MOB1B: variants seen among roughly 807,000 people sequenced by gnomAD.
MOB1B encodes MOB1 Mps One Binder homolog B.
Under a neutral mutation model 24.4 loss-of-function variants are expected in MOB1B, and 19 were observed. The ratio of observed to expected loss-of-function variants is 0.78; its 90% CI spans 0.54 to 1.14. The LOEUF (loss-of-function observed/expected upper bound fraction) is 1.14. Ranked by LOEUF, MOB1B falls within the 50% of genes most tolerant of loss-of-function variation. MOB1B has a pLI of 0.00. For synonymous variants in MOB1B, 76 were observed against 82.1 expected (o/e 0.93, Z 0.40); for missense variants, 243 against 259.6 (o/e 0.94, Z 0.44).
At position 70,979,269 on chromosome 4, in the gene MOB1B, A is replaced by G. The variant is rs1428577624; in HGVS notation, c.551A>G (p.Lys184Arg). The change falls in exon 5 of 6, where the codon AAG becomes AGG. Residue 184 changes from lysine to arginine, a missense_variant. Transcript: ENST00000309395. ...GAAGCACATCTAAATACATCTTTCA[A>G]GCACTTTATTTTTTTTGTCCAGGTA... ...QEEAHLNTSF[K>R]HFIFFVQEFN... The G allele has an allele frequency of 6.2e-7, 1 of 1,613,456 alleles. No individual in the cohort carries two copies. Among genetic ancestry groups the G allele is most frequent in the Non-Finnish European group, 8.5e-7 (1 of 1,179,834 alleles).
In MOB1B at chr4:70,984,257, G is replaced by A. The variant is rs1739310164; in HGVS notation, c.*2200G>A. On this transcript the variant is annotated 3_prime_UTR_variant, in exon 6 of 6. Coordinates refer to ENST00000309395, the MANE Select transcript of MOB1B (RefSeq NM_173468.4). ...CACAGTCACTGGGAAGTAAGGAGAT[G>A]TATATATGTGTATATATGGTAACAA... The A allele has an allele frequency of 1.3e-5, 2 of 152,144 alleles. No homozygotes were observed. Among genetic ancestry groups the A allele is most frequent in the South Asian group, 4.1e-4 (2 of 4,828 alleles). The allele number at this position is 152,144 out of a possible 1,614,324, so 9.4% of individuals were successfully genotyped here. A position where few individuals can be genotyped will look rare whatever the true frequency, so the allele number is the denominator to read the frequency against.
At chr4:70,946,953 A>G (rs938767610) in intron 1 of MOB1B, among the ~76,000 whole-genome samples, 1 of 152,208 alleles carries the variant, frequency 6.6e-6, no homozygotes, top group African/African-American at 2.4e-5. Flanking sequence ...TTCACATTAT[A>G]TTGAGCGTTT....
chr4:70,950,632 A>G (rs1005554308), intron 1 of MOB1B: 2 of 709,612 alleles, frequency 2.8e-6, no homozygotes, highest in Non-Finnish European at 4.6e-6. Flanking sequence ...TGCATGTAAA[A>G]TAGTTGCGAG....
intron 4 of MOB1B, among the ~76,000 whole-genome samples, chr4:70,978,824 T>C (rs1284640929): frequency 1.3e-5 from 2 of 152,140 alleles, no homozygotes; most frequent in Non-Finnish European, 2.9e-5. Flanking sequence ...TGAGTGTGAG[T>C]TTAAGCTCCA....
At position 70,902,419 on chromosome 4, in the gene MOB1B, C is replaced by T. The variant is rs1735545383; in HGVS notation, c.-118C>T. On this transcript the variant is annotated 5_prime_UTR_variant, in exon 1 of 6. Coordinates refer to ENST00000309395, the MANE Select transcript of MOB1B (RefSeq NM_173468.4). ...TTGCGGCCACCGAGCAGCCGGCTCT[C>T]GGCACCTCCTCCTCCGCCTCCCTGT... The T allele has an allele frequency of 1.7e-6, 2 of 1,146,996 alleles. No homozygotes were observed. The highest frequency in any genetic ancestry group is 1.3e-5 in the South Asian group (1 of 76,198). The allele number at this position is 1,146,996 out of a possible 1,614,324, so 71.1% of individuals were successfully genotyped here.
chr4:70,912,883 C>G (rs978048799), intron 1 of MOB1B, among the ~76,000 whole-genome samples: 2 of 152,236 alleles, frequency 1.3e-5, no homozygotes, highest in African/African-American at 4.8e-5. Flanking sequence ...ATCTCAGCCT[C>G]CTGAGTAGCT....
intron 1 of MOB1B, among the ~76,000 whole-genome samples, chr4:70,952,511 C>T (rs555307380): frequency 2.2e-4 from 34 of 151,560 alleles, no homozygotes; most frequent in African/African-American, 6.5e-4. Context: ...ACCGTGGTGG[C>T]GGGTGCCTGT....
At chr4:70,947,891 G>A (rs1304354398) in intron 1 of MOB1B, among the ~76,000 whole-genome samples, 1 of 152,122 alleles carries the variant, frequency 6.6e-6, no homozygotes, top group Non-Finnish European at 1.5e-5. Context: ...TTACTGCCGT[G>A]CACCACTGTA....
intron 1 of MOB1B, among the ~76,000 whole-genome samples, chr4:70,952,776 G>A (rs1488251203): frequency 2.0e-5 from 3 of 151,506 alleles, no homozygotes; most frequent in East Asian, 1.9e-4. Flanking sequence ...GAAAATTTTT[G>A]TGAAGATTTG....
At position 70,984,753 on chromosome 4, in the gene MOB1B, AGT is replaced by A. The variant is rs1739327986; in HGVS notation, c.*2698_*2699del. 6.6e-6 allele frequency: 1 copy of A among 152,100 alleles called. No homozygotes were observed. The highest frequency in any genetic ancestry group is 2.4e-5 in the African/African-American group (1 of 41,448). The allele number at this position is 152,100 out of a possible 1,614,324, so 9.4% of individuals were successfully genotyped here. A position where few individuals can be genotyped will look rare whatever the true frequency, so the allele number is the denominator to read the frequency against. ...GTAGAGAGAAATTAATAACAAAAAG[AGT>A]GAAAATATTTTAATTAGCAGTAGAT... On this transcript the variant is annotated 3_prime_UTR_variant, in exon 6 of 6. Coordinates refer to ENST00000309395, the MANE Select transcript of MOB1B (RefSeq NM_173468.4).
chr4:70,972,786 ATTTTT>A, intron 3 of MOB1B, among the ~76,000 whole-genome samples: 1 of 141,762 alleles, frequency 7.1e-6, no homozygotes, highest in East Asian at 2.0e-4. Context: ...ATTTTATTTT[ATTTTT>A]GAGACGGAGT....
At chr4:70,922,958 A>G (rs548115023) in intron 1 of MOB1B, among the ~76,000 whole-genome samples, 42 of 152,248 alleles carry the variant, frequency 2.8e-4, no homozygotes, top group Admixed American at 4.6e-4. Context: ...AGATAATCCA[A>G]TGAAGGCTGT....
intron 1 of MOB1B, among the ~76,000 whole-genome samples, chr4:70,946,084 CTTTTTTTTTTTT>C (rs11331194): frequency 1.4e-4 from 12 of 85,394 alleles, no homozygotes; most frequent in Admixed American, 2.7e-4. Context: ...TTTGTTTGTT[CTTTTTTTTTTTT>C]TTTTTTTTTT....
intron 1 of MOB1B, among the ~76,000 whole-genome samples, chr4:70,929,420 C>T (rs13108748): frequency 0.81 from 122,485 of 151,910 alleles, 52,794 homozygotes; most frequent in Non-Finnish European, 0.95. Flanking sequence ...CTCAAGTGAT[C>T]TGCCCACCTT....
chr4:70,944,216 G>A (rs1468078278), intron 1 of MOB1B, among the ~76,000 whole-genome samples: 1 of 152,128 alleles, frequency 6.6e-6, no homozygotes, highest in Non-Finnish European at 1.5e-5. Flanking sequence ...TGTATTTTTA[G>A]TGAAGACTGG....
At chr4:70,975,729 A>C (rs1329698748) in intron 4 of MOB1B, 1 of 978,124 alleles carries the variant, frequency 1.0e-6, no homozygotes, top group Non-Finnish European at 1.2e-6. Context: ...AAGCCCTTTC[A>C]GTAGAAAGTT....
intron 1 of MOB1B, among the ~76,000 whole-genome samples, chr4:70,947,021 A>G (rs563628775): frequency 7.2e-5 from 11 of 152,332 alleles, no homozygotes; most frequent in Non-Finnish European, 7.3e-5. Context: ...CTCATCTATC[A>G]TAACAGTCCT....
chr4:70,918,691 T>G (rs1231943306), intron 1 of MOB1B, among the ~76,000 whole-genome samples: 1 of 152,168 alleles, frequency 6.6e-6, no homozygotes, highest in African/African-American at 2.4e-5. Flanking sequence ...AGCTCTTTAG[T>G]TTAATTAGAT....
At chr4:70,908,065 G>A (rs1325133482) in intron 1 of MOB1B, among the ~76,000 whole-genome samples, 3 of 145,002 alleles carry the variant, frequency 2.1e-5, no homozygotes, top group Non-Finnish European at 3.0e-5. Flanking sequence ...TCGCTTTTTC[G>A]CCCAGGCTGG....
Sources: gnomAD v4.1 joint callset for allele counts (sites outside exome capture counted in the v4.1 genomes callset) on GRCh38, gnomAD v4.1.1 for gene constraint, MANE v1.5 for transcripts, NCBI Gene and HGNC (gene_info 2026-07-23, HGNC 2026-07-21) for gene names.